Variants in KCNIP1 observed in about 807,000 individuals in gnomAD.
KCNIP1 encodes A-type potassium channel modulatory protein KCNIP1.
A neutral mutation model predicts 33.0 loss-of-function variants in KCNIP1; 18 were observed. That is an observed-to-expected ratio of 0.55 (90% CI 0.38 to 0.81). The LOEUF (loss-of-function observed/expected upper bound fraction) is 0.81. KCNIP1 is among the 30% of genes least tolerant of loss of function. The probability of loss-of-function intolerance (pLI) is 0.00; values close to 1 mark genes in which losing one functional copy is unlikely to be tolerated. For synonymous variants in KCNIP1, 93 were observed against 98.3 expected (o/e 0.95, Z 0.32); for missense variants, 238 against 271.6 (o/e 0.88, Z 0.87).
intron 1 of KCNIP1, among the ~76,000 whole-genome samples, chr5:170,459,595 G>A (rs980743010): frequency 4.9e-4 from 74 of 152,036 alleles, no homozygotes; most frequent in Non-Finnish European, 3.8e-4. Context: ...AATATCACTG[G>A]GTCAAAAATG....
intron 1 of KCNIP1, among the ~76,000 whole-genome samples, chr5:170,364,337 A>G (rs534828756): frequency 6.6e-6 from 1 of 152,314 alleles, no homozygotes; most frequent in Non-Finnish European, 1.5e-5. Flanking sequence ...CATTCCTGTA[A>G]CAGCCTGTGT....
chr5:170,647,517 G>A (rs1238524042), intron 1 of KCNIP1, among the ~76,000 whole-genome samples: 1 of 151,704 alleles, frequency 6.6e-6, no homozygotes, highest in Non-Finnish European at 1.5e-5. Flanking sequence ...AGGCAATACA[G>A]AGGAGCAAAG....
At chr5:170,386,876 T>C (rs372032865) in intron 1 of KCNIP1, among the ~76,000 whole-genome samples, 2 of 151,910 alleles carry the variant, frequency 1.3e-5, no homozygotes, top group Non-Finnish European at 1.5e-5. Flanking sequence ...TCCTTGTTTT[T>C]CCCCTGGACA....
intron 1 of KCNIP1, among the ~76,000 whole-genome samples, chr5:170,674,203 GGGAGGGAA>G (rs1227371312): frequency 1.4e-5 from 2 of 141,672 alleles, no homozygotes; most frequent in South Asian, 2.5e-4. Context: ...GAGGGAGGGA[GGGAGGGAA>G]GGAGGGAAAT....
At chr5:170,354,680 G>C (rs1025741802) in intron 1 of KCNIP1, among the ~76,000 whole-genome samples, 2 of 152,230 alleles carry the variant, frequency 1.3e-5, no homozygotes, top group Non-Finnish European at 2.9e-5. Context: ...TGCAGCCCCA[G>C]ATGGGCCCAC....
chr5:170,499,218 G>A (rs1377851679), upstream of KCNIP1, among the ~76,000 whole-genome samples: 2 of 152,164 alleles, frequency 1.3e-5, no homozygotes, highest in African/African-American at 2.4e-5. Context: ...ATACCAGATG[G>A]GGACCCTGAG....
At chr5:170,465,172 G>C (rs560051474) in intron 1 of KCNIP1, among the ~76,000 whole-genome samples, 1 of 152,288 alleles carries the variant, frequency 6.6e-6, no homozygotes, top group East Asian at 1.9e-4. Context: ...AGTTTGTGAG[G>C]AGGAGACACA....
intron 1 of KCNIP1, chr5:170,385,199 C>T: frequency 1.7e-6 from 2 of 1,156,808 alleles, no homozygotes; most frequent in Non-Finnish European, 2.6e-6. Context: ...TCGTCTTGAC[C>T]CTGCTGCCTT....
chr5:170,487,128 A>T (rs1248948328), intron 1 of KCNIP1, among the ~76,000 whole-genome samples: 1 of 152,182 alleles, frequency 6.6e-6, no homozygotes, highest in African/African-American at 2.4e-5. Context: ...CAAAATCGGC[A>T]GGGCAAGTAG....
chr5:170,652,953 CTG>C (rs1761109693), intron 1 of KCNIP1, among the ~76,000 whole-genome samples: 1 of 152,236 alleles, frequency 6.6e-6, no homozygotes. Flanking sequence ...CCCTGCCTTC[CTG>C]GAGCTGACAT....
chr5:170,626,129 A>T (rs1759811158), intron 1 of KCNIP1, among the ~76,000 whole-genome samples: 1 of 152,150 alleles, frequency 6.6e-6, no homozygotes, highest in South Asian at 2.1e-4. Flanking sequence ...CAGAGGAGGG[A>T]TATGATCATG....
intron 1 of KCNIP1, chr5:170,680,496 G>A (rs557753256): frequency 6.6e-6 from 1 of 152,234 alleles, no homozygotes; most frequent in African/African-American, 2.4e-5. Flanking sequence ...TAACTGAGAC[G>A]CACTCCAGCT....
intron 1 of KCNIP1, among the ~76,000 whole-genome samples, chr5:170,386,965 T>C (rs1764500885): frequency 1.3e-5 from 2 of 152,072 alleles, no homozygotes; most frequent in Non-Finnish European, 2.9e-5. Flanking sequence ...GTGTGAGTCT[T>C]GACAAAGACT....
intron 1 of KCNIP1, among the ~76,000 whole-genome samples, chr5:170,644,093 A>T (rs1342376851): frequency 6.6e-6 from 1 of 152,240 alleles, no homozygotes; most frequent in Non-Finnish European, 1.5e-5. Flanking sequence ...TAAGTCTGCC[A>T]GCAGAGGAAG....
chr5:170,618,144 A>C (rs1049121295), intron 1 of KCNIP1, among the ~76,000 whole-genome samples: 2 of 152,126 alleles, frequency 1.3e-5, no homozygotes, highest in African/African-American at 4.8e-5. Context: ...AATTTGTCTC[A>C]TTATAAATGA....
At chr5:170,673,124 G>C in intron 1 of KCNIP1, among the ~76,000 whole-genome samples, 1 of 152,236 alleles carries the variant, frequency 6.6e-6, no homozygotes, top group African/African-American at 2.4e-5. Context: ...TTATTTAAAA[G>C]TGTTCGATGA....
At chr5:170,597,784 AAT>A (rs10525595) in intron 1 of KCNIP1, among the ~76,000 whole-genome samples, 77 of 134,430 alleles carry the variant, frequency 5.7e-4, no homozygotes, top group East Asian at 1.5e-3. Context: ...GAGAGAGATA[AAT>A]ATATATATAT....
intron 1 of KCNIP1, among the ~76,000 whole-genome samples, chr5:170,647,553 G>C (rs1330398184): frequency 6.7e-6 from 1 of 150,124 alleles, no homozygotes; most frequent in African/African-American, 2.5e-5. Flanking sequence ...AACAGTGCTA[G>C]AACAACTGGC....
At chr5:170,665,559 G>A (rs1761672579) in intron 1 of KCNIP1, among the ~76,000 whole-genome samples, 1 of 152,200 alleles carries the variant, frequency 6.6e-6, no homozygotes. Flanking sequence ...CACACCTGGT[G>A]AGCCCCATTG....
Sources: gnomAD v4.1 joint callset for allele counts (sites outside exome capture counted in the v4.1 genomes callset) on GRCh38, gnomAD v4.1.1 for gene constraint, MANE v1.5 for transcripts, NCBI Gene and HGNC (gene_info 2026-07-23, HGNC 2026-07-21) for gene names.